LSM12: variants seen among roughly 807,000 people sequenced by gnomAD.
LSM12 encodes protein LSM12.
For synonymous variants in LSM12, 74 were observed against 87.3 expected (o/e 0.85, Z 0.85); for missense variants, 108 against 238.9 (o/e 0.45, Z 3.61).
chr17:44,051,899 C>CCGG, intron 2 of LSM12, among the ~76,000 whole-genome samples: 1 of 151,894 alleles, frequency 6.6e-6, no homozygotes, highest in East Asian at 1.9e-4. Flanking sequence ...CTTGAGGTCA[C>CCGG]GAGTTCAAGA....
intron 2 of LSM12, among the ~76,000 whole-genome samples, chr17:44,059,297 C>A (rs1032554108): frequency 1.3e-5 from 2 of 152,022 alleles, no homozygotes; most frequent in African/African-American, 4.8e-5. Context: ...AATAGAAAAA[C>A]AGGGGACTTG....
chr17:44,044,589 T>A (rs1290098944), intron 2 of LSM12, among the ~76,000 whole-genome samples: 1 of 152,186 alleles, frequency 6.6e-6, no homozygotes. Context: ...GCTACACAGA[T>A]CTGCTTTTAC....
intron 2 of LSM12, among the ~76,000 whole-genome samples, chr17:44,061,317 CA>C (rs11306333): frequency 0.9 from 86,167 of 96,076 alleles, 38,310 homozygotes; most frequent in Middle Eastern, 0.95. Flanking sequence ...AACTCCATCT[CA>C]AAAAAAAAAA....
At chr17:44,054,065 A>T (rs954911886) in intron 2 of LSM12, among the ~76,000 whole-genome samples, 2 of 152,078 alleles carry the variant, frequency 1.3e-5, no homozygotes, top group African/African-American at 4.8e-5. Context: ...GGGCTCAGCA[A>T]TTTATCTTTT....
intron 2 of LSM12, among the ~76,000 whole-genome samples, chr17:44,051,671 A>G (rs1381806439): frequency 6.6e-6 from 1 of 152,112 alleles, no homozygotes; most frequent in African/African-American, 2.4e-5. Flanking sequence ...ATAAATAACA[A>G]TGAATCAAAA....
At chr17:44,048,218 A>G (rs1384474772) in intron 2 of LSM12, among the ~76,000 whole-genome samples, 1 of 152,158 alleles carries the variant, frequency 6.6e-6, no homozygotes, top group Non-Finnish European at 1.5e-5. Flanking sequence ...GCAGTGGCTC[A>G]TGCTTGTAAT....
chr17:44,036,383 C>T, intron 4 of LSM12, 83 bp from the exon 5 acceptor site: 2 of 1,562,498 alleles, frequency 1.3e-6, no homozygotes, highest in Non-Finnish European at 1.8e-6. Context: ...GTTTCCACAG[C>T]CCCATCCTGG....
intron 2 of LSM12, among the ~76,000 whole-genome samples, chr17:44,047,292 A>T (rs574942397): frequency 6.6e-6 from 1 of 151,610 alleles, no homozygotes; most frequent in Admixed American, 6.6e-5. Flanking sequence ...TGTCACCCAG[A>T]CTGGAGTGCA....
At position 44,040,184 on chromosome 17, in the gene LSM12, G is replaced by A. The variant is rs756384540; in HGVS notation, c.331C>T (p.Leu111=). ...QAYAISAGVS[L]EGQQLFQTIH... The stretch of plus-strand genomic sequence containing the variant: ...GTCTGGAAGAGCTGCTGGCCCTCTA[G>A]AGAGACACCAGCACTGATTGCATAG... Residue 111 remains leucine, a synonymous_variant, in exon 3 of 5, where the codon CTA becomes TTA. Transcript: ENST00000293406. 6.2e-7 allele frequency: 1 copy of A among 1,613,854 alleles called. No individual in the cohort carries two copies. Among genetic ancestry groups the A allele is most frequent in the Admixed American group, 1.7e-5 (1 of 60,024 alleles).
chr17:44,048,150 C>T (rs2049595838), intron 2 of LSM12, among the ~76,000 whole-genome samples: 1 of 151,904 alleles, frequency 6.6e-6, no homozygotes, highest in Non-Finnish European at 1.5e-5. Flanking sequence ...CAGTCTATGG[C>T]TTGTCTTTTC....
intron 4 of LSM12, 29 bp downstream of exon 4, chr17:44,037,383 C>G: frequency 1.3e-6 from 2 of 1,561,208 alleles, no homozygotes; most frequent in Non-Finnish European, 1.7e-6. Context: ...ATCCTCTCTC[C>G]CCTAAAGTCT....
At position 44,040,140 on chromosome 17, in the gene LSM12, A is replaced by G; in HGVS notation, c.368+7T>C. The G allele has an allele frequency of 6.2e-7, 1 of 1,609,190 alleles. No homozygotes were observed. The highest frequency in any genetic ancestry group is 8.5e-7 in the Non-Finnish European group (1 of 1,175,860). ...CAGGACAAAGGACCTCTCCGATCCCAACTCACGTCTTGTGAATGGTCTGGA... is the reference window on the plus strand; with the variant it reads ...CAGGACAAAGGACCTCTCCGATCCCGACTCACGTCTTGTGAATGGTCTGGA... On this transcript the variant is annotated splice_region_variant and intron_variant, in intron 3 of 4. Transcript: ENST00000293406.
At chr17:44,059,506 C>T (rs1479061516) in intron 2 of LSM12, among the ~76,000 whole-genome samples, 3 of 150,966 alleles carry the variant, frequency 2.0e-5, no homozygotes, top group Admixed American at 1.3e-4. Flanking sequence ...ACAGGAGAAT[C>T]GCTTGAACCG....
intron 2 of LSM12, among the ~76,000 whole-genome samples, chr17:44,054,945 TCTC>T (rs1486915387): frequency 6.6e-6 from 1 of 151,588 alleles, no homozygotes; most frequent in African/African-American, 2.4e-5. Flanking sequence ...TTCAAGTGAT[TCTC>T]CTGTCTCAGC....
At chr17:44,052,158 C>T (rs1390640182) in intron 2 of LSM12, among the ~76,000 whole-genome samples, 2 of 151,534 alleles carry the variant, frequency 1.3e-5, no homozygotes, top group East Asian at 3.9e-4. Context: ...CACGCCTGAG[C>T]CAAGGAGGTC....
rs549305176 is a variant in LSM12 at position 44,050,667 on chromosome 17, C to T, written c.259-10411G>A. On this transcript the variant is annotated intron_variant, in intron 2 of 4. Transcript: ENST00000293406. ...TCCAGAGTAGCTGGTATTACAGGCA[C>T]GTGCCACCACACCCAGCTAATTTTT... Among the ~76,000 whole-genome samples the T allele has an allele frequency of 1.4e-4, 21 of 152,144 alleles. No homozygotes were observed. In the South Asian group the frequency reaches 4.4e-3, roughly 32 times the overall value.
At chr17:44,062,441 G>A (rs1467607069) in intron 2 of LSM12, among the ~76,000 whole-genome samples, 3 of 152,126 alleles carry the variant, frequency 2.0e-5, no homozygotes, top group Admixed American at 1.3e-4. Context: ...CTTGGAAGAC[G>A]TGCCATTTAA....
chr17:44,041,282 A>ACACACAC (rs779374869), intron 2 of LSM12, among the ~76,000 whole-genome samples: 2 of 130,422 alleles, frequency 1.5e-5, no homozygotes, highest in South Asian at 2.5e-4. Flanking sequence ...TTAAAAAAAA[A>ACACACAC]AAAAACAAAC....
At chr17:44,062,221 C>CAA (rs529081923) in intron 2 of LSM12, among the ~76,000 whole-genome samples, 2,421 of 62,382 alleles carry the variant, frequency 0.039, 137 homozygotes, top group Non-Finnish European at 0.046. Context: ...GACTCCGTCT[C>CAA]AAAAAAAAAA....
Sources: gnomAD v4.1 joint callset for allele counts (sites outside exome capture counted in the v4.1 genomes callset) on GRCh38, gnomAD v4.1.1 for gene constraint, MANE v1.5 for transcripts, NCBI Gene and HGNC (gene_info 2026-07-23, HGNC 2026-07-21) for gene names.